GRIK2: variants seen among roughly 807,000 people sequenced by gnomAD.
The protein encoded by GRIK2 is glutamate ionotropic receptor kainate type subunit 2.
A neutral mutation model predicts 100.3 loss-of-function variants in GRIK2; 32 were observed. The observed-to-expected ratio is 0.32, with a 90% CI of 0.24 to 0.43. GRIK2 has a LOEUF of 0.43. GRIK2 is among the 20% of genes least tolerant of loss of function. GRIK2 has a pLI of 1.00. For missense variants in GRIK2, 843 were observed against 1,114.9 expected, an observed-to-expected ratio of 0.76 and a Z score of 3.47; for synonymous variants, 417 against 389.4, an observed-to-expected ratio of 1.07 and a Z score of -0.83.
rs117815845 is a variant in GRIK2, at chr6:101,850,331, A to G, written c.1318-8956A>G. On this transcript the variant is annotated intron_variant, in intron 10 of 16. Coordinates refer to ENST00000369134, the MANE Select transcript of GRIK2 (RefSeq NM_021956.5). ...ACCTGGAAGAGTGTTGGGACAGAGT[A>G]AGAGTTCAGTGTATGCTTGGGTAAA... Among the ~76,000 whole-genome samples the G allele has an allele frequency of 4.0e-4, 61 of 152,100 alleles. No homozygotes were observed. In the East Asian group the frequency reaches 0.011, roughly 28 times the overall value.
At chr6:101,716,079 C>T (rs919242120) in intron 7 of GRIK2, among the ~76,000 whole-genome samples, 3 of 151,692 alleles carry the variant, frequency 2.0e-5, no homozygotes, top group Non-Finnish European at 2.9e-5. Flanking sequence ...CATTTTCTAC[C>T]TTCCTATGTT....
chr6:101,853,179 A>C (rs766725261), intron 10 of GRIK2, among the ~76,000 whole-genome samples: 8 of 152,208 alleles, frequency 5.3e-5, no homozygotes, highest in Non-Finnish European at 5.9e-5. Context: ...GTGGAAGTTG[A>C]AAAACCTAGG....
At chr6:101,470,019 A>G (rs925621788) in intron 2 of GRIK2, among the ~76,000 whole-genome samples, 1 of 152,064 alleles carries the variant, frequency 6.6e-6, no homozygotes, top group Non-Finnish European at 1.5e-5. Flanking sequence ...CCCTCTATGT[A>G]TCTGGTGTGG....
At chr6:101,942,086 G>C (rs1020812451) in intron 14 of GRIK2, among the ~76,000 whole-genome samples, 1 of 151,922 alleles carries the variant, frequency 6.6e-6, no homozygotes, top group Non-Finnish European at 1.5e-5. Context: ...GGATGCTCTA[G>C]CTATGTTAGG....
At chr6:101,987,833 T>G (rs2128491209) in intron 14 of GRIK2, among the ~76,000 whole-genome samples, 1 of 151,776 alleles carries the variant, frequency 6.6e-6, no homozygotes, top group South Asian at 2.1e-4. Flanking sequence ...AGATTTAAAT[T>G]TTTTCATTTG....
rs139151812 is a variant in GRIK2 at position 101,897,779 on chromosome 6, G to A, written c.1748+7916G>A. ...TTCATTCTGTATGTCTTAATGATTAGGAGTACTGTGCTCATAAAAAGGCAA... is the reference window on the plus strand; with the variant it reads ...TTCATTCTGTATGTCTTAATGATTAAGAGTACTGTGCTCATAAAAAGGCAA... On this transcript the variant is annotated intron_variant, in intron 12 of 16. Transcript: ENST00000369134. 7.9e-3 allele frequency among the ~76,000 whole-genome samples: 1,203 copies of A among 151,890 alleles called. 22 individuals carry two copies. Among genetic ancestry groups the A allele is most frequent in the African/African-American group, 0.027 (1,137 of 41,506 alleles).
chr6:101,814,209 A>C (rs1014442331), intron 9 of GRIK2, among the ~76,000 whole-genome samples: 8 of 152,126 alleles, frequency 5.3e-5, no homozygotes, highest in African/African-American at 1.9e-4. Context: ...ACACCAAACA[A>C]TGTGAAAGGA....
At chr6:101,403,125 T>C (rs116814773) in intron 2 of GRIK2, among the ~76,000 whole-genome samples, 1,839 of 152,284 alleles carry the variant, frequency 0.012, 49 homozygotes, top group African/African-American at 0.042. Context: ...TAAGCATCCT[T>C]TTTAAGAAAT....
intron 2 of GRIK2, among the ~76,000 whole-genome samples, chr6:101,565,105 A>G (rs1193301959): frequency 6.6e-6 from 1 of 152,128 alleles, no homozygotes; most frequent in Non-Finnish European, 1.5e-5. Flanking sequence ...TGCCAATTAC[A>G]TTACCAAACA....
chr6:101,651,004 CTT>C (rs3056156), intron 4 of GRIK2, among the ~76,000 whole-genome samples: 79,927 of 119,650 alleles, frequency 0.67, 25,447 homozygotes, highest in East Asian at 0.82. Flanking sequence ...CTTTCTTTTT[CTT>C]TTTTTTTTTT....
At chr6:101,864,693 C>T (rs1415359366) in intron 11 of GRIK2, among the ~76,000 whole-genome samples, 2 of 151,992 alleles carry the variant, frequency 1.3e-5, no homozygotes, top group Non-Finnish European at 1.5e-5. Flanking sequence ...CAAAAAGGTG[C>T]CAATGTTTTT....
chr6:101,789,929 G>T (rs942601405), intron 7 of GRIK2, among the ~76,000 whole-genome samples: 2 of 152,154 alleles, frequency 1.3e-5, no homozygotes, highest in African/African-American at 4.8e-5. Context: ...CACGTCCCTT[G>T]TAAGTTGGAT....
intron 15 of GRIK2, among the ~76,000 whole-genome samples, chr6:102,052,461 T>A (rs2852614): frequency 0.4 from 61,145 of 151,950 alleles, 12,444 homozygotes; most frequent in Middle Eastern, 0.48. Flanking sequence ...TATATTCACA[T>A]TCAATGCTGG....
chr6:101,812,974 TC>T (rs2128419514), intron 9 of GRIK2, among the ~76,000 whole-genome samples: 1 of 152,126 alleles, frequency 6.6e-6, no homozygotes, highest in South Asian at 2.1e-4. Flanking sequence ...TGTTTCTCTC[TC>T]TTTCTACTCA....
chr6:102,033,253 T>G (rs534527898), intron 14 of GRIK2, among the ~76,000 whole-genome samples: 1 of 130,846 alleles, frequency 7.6e-6, no homozygotes, highest in East Asian at 1.9e-4. Flanking sequence ...AAAATTCTAT[T>G]ATTCTTTCTG....
intron 14 of GRIK2, among the ~76,000 whole-genome samples, chr6:102,025,978 G>C (rs1304947944): frequency 6.6e-6 from 1 of 150,714 alleles, no homozygotes; most frequent in Admixed American, 6.6e-5. Context: ...TCCTACCTCA[G>C]CAAAAGCTCA....
At chr6:101,425,068 T>C (rs943712876) in intron 2 of GRIK2, among the ~76,000 whole-genome samples, 3 of 149,714 alleles carry the variant, frequency 2.0e-5, no homozygotes, top group Non-Finnish European at 4.5e-5. Context: ...TCTATCATTG[T>C]TGGACATGTG....
chr6:101,976,685 G>A (rs1793399344), intron 14 of GRIK2, among the ~76,000 whole-genome samples: 1 of 151,578 alleles, frequency 6.6e-6, no homozygotes, highest in African/African-American at 2.4e-5. Flanking sequence ...GAGACATCCT[G>A]TTTCTTAAAA....
chr6:101,876,554 T>C (rs1785863638), intron 11 of GRIK2, among the ~76,000 whole-genome samples: 1 of 150,764 alleles, frequency 6.6e-6, no homozygotes, highest in Non-Finnish European at 1.5e-5. Context: ...CAGGGCCCAC[T>C]TATTCTGAAA....
Sources: allele counts gnomAD v4.1 joint callset (sites outside exome capture counted in the v4.1 genomes callset), GRCh38; gene constraint gnomAD v4.1.1; transcripts MANE v1.5; gene names NCBI Gene and HGNC (gene_info 2026-07-23, HGNC 2026-07-21).